The following LRRC7 variants were observed in gnomAD, a reference collection of about 807,000 sequenced individuals.
LRRC7 encodes the protein leucine-rich repeat-containing protein 7.
Under a neutral mutation model 175.7 loss-of-function variants are expected in LRRC7, and 23 were observed. The observed-to-expected ratio is 0.13, with a 90% CI of 0.09 to 0.19. LRRC7 has a LOEUF of 0.19. Among genes scored for constraint, LRRC7 ranks in the 10% least tolerant of loss-of-function variants. The pLI is 1.00. For missense variants in LRRC7, 1,354 were observed against 1,904.7 expected, an observed-to-expected ratio of 0.71 and a Z score of 5.38; for synonymous variants, 685 against 680.9, an observed-to-expected ratio of 1.01 and a Z score of -0.09.
chr1:69,962,353 G>A (rs532524854), intron 8 of LRRC7, among the ~76,000 whole-genome samples: 2 of 152,306 alleles, frequency 1.3e-5, no homozygotes, highest in East Asian at 3.9e-4. Flanking sequence ...AGATTGTGGA[G>A]AAAAAGGATC....
intron 8 of LRRC7, among the ~76,000 whole-genome samples, chr1:69,978,676 G>A (rs1046842994): frequency 3.3e-5 from 5 of 152,256 alleles, no homozygotes; most frequent in South Asian, 4.2e-4. Context: ...TGCAAGCACA[G>A]GCTAAAGGAA....
chr1:69,876,277 A>C (rs1686035868), intron 7 of LRRC7, among the ~76,000 whole-genome samples: 1 of 152,160 alleles, frequency 6.6e-6, no homozygotes, highest in Non-Finnish European at 1.5e-5. Context: ...TTCTTGAGCC[A>C]AAACTGGCAG....
chr1:70,057,867 A>G (rs1042169622), intron 23 of LRRC7, among the ~76,000 whole-genome samples: 4 of 152,138 alleles, frequency 2.6e-5, no homozygotes, highest in Non-Finnish European at 5.9e-5. Flanking sequence ...TTGCTCCTGT[A>G]TCTATTGTCC....
intron 13 of LRRC7, among the ~76,000 whole-genome samples, chr1:70,015,658 A>G (rs1038444946): frequency 1.3e-5 from 2 of 152,192 alleles, no homozygotes; most frequent in Non-Finnish European, 2.9e-5. Context: ...AGTGTGAAGT[A>G]CTTTGGCCCT....
chr1:69,854,813 T>A (rs540572198), intron 7 of LRRC7, among the ~76,000 whole-genome samples: 3 of 152,260 alleles, frequency 2.0e-5, no homozygotes, highest in East Asian at 1.9e-4. Flanking sequence ...CTACTGGTGA[T>A]TTTTTTAAGT....
chr1:69,894,074 T>C (rs1051104168), intron 7 of LRRC7, among the ~76,000 whole-genome samples: 5 of 152,202 alleles, frequency 3.3e-5, no homozygotes, highest in African/African-American at 9.7e-5. Context: ...ATAAACCTCA[T>C]TGCATTGATT....
intron 4 of LRRC7, among the ~76,000 whole-genome samples, chr1:69,811,000 G>T (rs1244457850): frequency 6.6e-6 from 1 of 151,850 alleles, no homozygotes; most frequent in Non-Finnish European, 1.5e-5. Flanking sequence ...TACAGAATGG[G>T]AAAACATTTT....
chr1:69,814,693 A>G (rs1465393792), intron 4 of LRRC7, among the ~76,000 whole-genome samples: 1 of 152,136 alleles, frequency 6.6e-6, no homozygotes, highest in Non-Finnish European at 1.5e-5. Flanking sequence ...CTAGGTGAAG[A>G]TATGCTCAAA....
chr1:69,698,506 A>G (rs1396672090), intron 2 of LRRC7, among the ~76,000 whole-genome samples: 2 of 152,236 alleles, frequency 1.3e-5, no homozygotes, highest in African/African-American at 4.8e-5. Context: ...GTAATCTTAT[A>G]GAGAAACCCA....
chr1:70,131,605 A>G lies in LRRC7; in HGVS notation c.*9718A>G, dbSNP rs1666665139. On this transcript the variant is annotated 3_prime_UTR_variant, in exon 27 of 27. Transcript: ENST00000651989. ...AATTTCTTTGTATAAAGAGAACTTG[A>G]TAACTATCAAGTTAATTATGTCTTC... Among the ~76,000 whole-genome samples, 1 of 152,234 alleles carries G rather than the reference A, an allele frequency of 6.6e-6. No homozygotes were observed. The highest frequency in any genetic ancestry group is 6.5e-5 in the Admixed American group (1 of 15,284).
intron 7 of LRRC7, among the ~76,000 whole-genome samples, chr1:69,927,703 A>G (rs535698182): frequency 1.3e-5 from 2 of 152,270 alleles, no homozygotes; most frequent in South Asian, 2.1e-4. Context: ...CTAGTTATAC[A>G]TTCATCTAAA....
In LRRC7 at chr1:69,838,278, A is replaced by G. The variant is rs1681341401; in HGVS notation, c.642A>G (p.Leu214=). Residue 214 remains leucine, a synonymous_variant, in exon 7 of 27, where the codon CTA becomes CTG. Coordinates refer to ENST00000651989, the MANE Select transcript of LRRC7 (RefSeq NM_001370785.2). ...LELRENHLKT[L]PKSMHKLAQL... is the part of the protein sequence containing the mutation. ...TAAGAGAAAATCACTTGAAAACTCTACCAAAGTAAGTGACTGTGTATTTTC... is the reference window on the plus strand; with the variant it reads ...TAAGAGAAAATCACTTGAAAACTCTGCCAAAGTAAGTGACTGTGTATTTTC... 6.2e-7 allele frequency: 1 copy of G among 1,606,554 alleles called. No individual in the cohort carries two copies.
At chr1:69,842,500 G>A (rs1253237906) in intron 7 of LRRC7, among the ~76,000 whole-genome samples, 5 of 152,128 alleles carry the variant, frequency 3.3e-5, no homozygotes, top group Admixed American at 6.6e-5. Flanking sequence ...TGATGCACAA[G>A]GCATGAAACA....
intron 7 of LRRC7, among the ~76,000 whole-genome samples, chr1:69,902,032 G>A (rs1345550231): frequency 6.6e-6 from 1 of 151,996 alleles, no homozygotes; most frequent in Non-Finnish European, 1.5e-5. Context: ...CTCCATCAGG[G>A]CAGGAACTGT....
intron 3 of LRRC7, among the ~76,000 whole-genome samples, chr1:69,789,588 A>G (rs937637196): frequency 4.6e-5 from 7 of 152,260 alleles, no homozygotes; most frequent in Non-Finnish European, 8.8e-5. Flanking sequence ...TTTGAAACTT[A>G]GATTCCACTG....
intron 5 of LRRC7, among the ~76,000 whole-genome samples, chr1:69,826,238 G>A (rs1420859770): frequency 2.0e-5 from 3 of 151,994 alleles, no homozygotes; most frequent in Non-Finnish European, 2.9e-5. Context: ...GTAGATCAAG[G>A]GAATTAAGTA....
intron 14 of LRRC7, among the ~76,000 whole-genome samples, chr1:70,017,102 A>T (rs1657028920): frequency 6.6e-6 from 1 of 152,032 alleles, no homozygotes; most frequent in African/African-American, 2.4e-5. Flanking sequence ...ATGTGGTGAA[A>T]CCCTGTCTCT....
chr1:70,099,173 A>G (rs1277438095), intron 25 of LRRC7, among the ~76,000 whole-genome samples: 40 of 142,366 alleles, frequency 2.8e-4, no homozygotes, highest in African/African-American at 1.1e-3. Context: ...CAATATATGC[A>G]AATCAATAAA....
chr1:69,850,260 T>C (rs763216929), intron 7 of LRRC7, among the ~76,000 whole-genome samples: 1 of 151,938 alleles, frequency 6.6e-6, no homozygotes, highest in Non-Finnish European at 1.5e-5. Context: ...AAGCTTGAGA[T>C]GTCTAAGAAG....
Sources: gnomAD v4.1 joint callset for allele counts (sites outside exome capture counted in the v4.1 genomes callset) on GRCh38, gnomAD v4.1.1 for gene constraint, MANE v1.5 for transcripts, NCBI Gene and HGNC (gene_info 2026-07-23, HGNC 2026-07-21) for gene names.